HS2ST1: variants seen among roughly 807,000 people sequenced by gnomAD.
The protein encoded by HS2ST1 is heparan sulfate 2-O-sulfotransferase 1.
Under a neutral mutation model 42.9 loss-of-function variants are expected in HS2ST1, and 18 were observed. The observed-to-expected ratio is 0.42, with a 90% confidence interval of 0.29 to 0.62. The LOEUF is 0.62. HS2ST1 is among the 20% of genes least tolerant of loss of function. The probability of loss-of-function intolerance (pLI) is 0.21; values close to 1 mark genes in which losing one functional copy is unlikely to be tolerated. For synonymous variants in HS2ST1, 146 were observed against 152.9 expected, an observed-to-expected ratio of 0.95 and a Z score of 0.33; for missense variants, 334 against 433.8, an observed-to-expected ratio of 0.77 and a Z score of 2.04.
intron 1 of HS2ST1, among the ~76,000 whole-genome samples, chr1:86,938,685 G>C (rs1660702702): frequency 1.3e-5 from 2 of 152,124 alleles, no homozygotes; most frequent in South Asian, 4.1e-4. Flanking sequence ...TTTTTTCTGT[G>C]TGTCATTCAC....
rs145653283 is a variant in HS2ST1 at position 87,052,089 on chromosome 1, C to T, written c.125-20845C>T. 1.6e-3 allele frequency among the ~76,000 whole-genome samples: 246 copies of T among 152,062 alleles called. 2 individuals are homozygous for T. The East Asian group carries it at 0.04, about 25-fold the overall frequency. Reference sequence around the variant, plus strand: ...GCAACATGCTGAAACCCTGTATCTACAAAAAATACAAAAATTAGCCAGGCA... The same window carrying T: ...GCAACATGCTGAAACCCTGTATCTATAAAAAATACAAAAATTAGCCAGGCA... On this transcript the variant is annotated intron_variant, in intron 1 of 6. Transcript: ENST00000370550.
intron 1 of HS2ST1, among the ~76,000 whole-genome samples, chr1:86,948,550 C>A (rs61771700): frequency 0.067 from 10,211 of 152,192 alleles, 445 homozygotes; most frequent in Non-Finnish European, 0.1. Flanking sequence ...TACTTAATGA[C>A]CAGAATTGTG....
chr1:87,051,125 G>A (rs1174542013), intron 1 of HS2ST1, among the ~76,000 whole-genome samples: 2 of 151,934 alleles, frequency 1.3e-5, no homozygotes, highest in East Asian at 3.9e-4. Context: ...CTGTATACTG[G>A]GTAATAATGG....
chr1:86,919,257 T>C (rs1040272246), intron 1 of HS2ST1, among the ~76,000 whole-genome samples: 1 of 152,180 alleles, frequency 6.6e-6, no homozygotes, highest in African/African-American at 2.4e-5. Context: ...TTATTTGTTT[T>C]TGTCCAAGTT....
chr1:87,038,802 T>C (rs568838309), intron 1 of HS2ST1, among the ~76,000 whole-genome samples: 1 of 152,126 alleles, frequency 6.6e-6, no homozygotes, highest in South Asian at 2.1e-4. Context: ...AGGTTGGGAA[T>C]TGGGCAGATA....
intron 1 of HS2ST1, among the ~76,000 whole-genome samples, chr1:86,934,118 G>A (rs1308094142): frequency 6.6e-6 from 1 of 152,144 alleles, no homozygotes; most frequent in African/African-American, 2.4e-5. Context: ...ACTTAAGTGA[G>A]AAAGTAGGAA....
intron 1 of HS2ST1, among the ~76,000 whole-genome samples, chr1:86,984,116 T>C (rs1648686925): frequency 6.6e-6 from 1 of 152,202 alleles, no homozygotes; most frequent in Non-Finnish European, 1.5e-5. Context: ...CATGAGGCAT[T>C]AGCATGCAGT....
At chr1:87,023,578 T>C (rs1650006061) in intron 1 of HS2ST1, among the ~76,000 whole-genome samples, 1 of 152,162 alleles carries the variant, frequency 6.6e-6, no homozygotes, top group Non-Finnish European at 1.5e-5. Context: ...AGGCATATGC[T>C]AGTATCTTGA....
chr1:87,024,459 C>A (rs1306742877), intron 1 of HS2ST1, among the ~76,000 whole-genome samples: 1 of 151,264 alleles, frequency 6.6e-6, no homozygotes, highest in Non-Finnish European at 1.5e-5. Flanking sequence ...CGAGATTGTG[C>A]CATTGCACTT....
At position 87,104,749 on chromosome 1, in the gene HS2ST1, C is replaced by A. The variant is rs1227962754; in HGVS notation, c.*53C>A. 2.7e-6 allele frequency: 3 copies of A among 1,109,870 alleles called. No homozygotes were observed. The highest frequency in any genetic ancestry group is 1.8e-5 in the Admixed American group (1 of 56,382). 68.8% of individuals were successfully genotyped at this position (1,109,870 alleles called of 1,614,324 possible). On this transcript the variant is annotated 3_prime_UTR_variant, in exon 7 of 7. Transcript: ENST00000370550. ...AACTAAAATTTGACCCTGTCTTCAC[C>A]TTTGTTCTCAGCTCCACAGTCTGGA...
intron 1 of HS2ST1, among the ~76,000 whole-genome samples, chr1:86,997,712 C>T (rs1297011466): frequency 6.6e-6 from 1 of 152,114 alleles, no homozygotes; most frequent in Non-Finnish European, 1.5e-5. Flanking sequence ...GTACTGAACT[C>T]TATGTGCAGT....
chr1:86,985,526 A>G (rs1480963393), intron 1 of HS2ST1, among the ~76,000 whole-genome samples: 1 of 15,818 alleles, frequency 6.3e-5, no homozygotes, highest in African/African-American at 1.0e-4. Flanking sequence ...ATACACATAT[A>G]TATACATATA....
intron 1 of HS2ST1, among the ~76,000 whole-genome samples, chr1:87,021,425 C>T (rs551906883): frequency 6.6e-6 from 1 of 152,298 alleles, no homozygotes; most frequent in South Asian, 2.1e-4. Context: ...ACCAGCTACT[C>T]AGCTTGCTTG....
In HS2ST1 at chr1:86,967,332, G is replaced by T. The variant is rs908219982; in HGVS notation, c.124+52172G>T. Among the ~76,000 whole-genome samples, 27 of 152,134 alleles carry T rather than the reference G, an allele frequency of 1.8e-4. 1 individual carries two copies. The highest frequency in any genetic ancestry group is 6.3e-4 in the African/African-American group (26 of 41,432). On this transcript the variant is annotated intron_variant, in intron 1 of 6. Transcript: ENST00000370550. ...AATTTCAAGAGCTTTTGGGGTACAGGTGGTTTTTGGTTACATGGGTGGATT... is the reference window on the plus strand; with the variant it reads ...AATTTCAAGAGCTTTTGGGGTACAGTTGGTTTTTGGTTACATGGGTGGATT...
intron 4 of HS2ST1, among the ~76,000 whole-genome samples, chr1:87,095,465 G>A (rs1652038171): frequency 6.6e-6 from 1 of 152,158 alleles, no homozygotes; most frequent in African/African-American, 2.4e-5. Context: ...TTAGATATAT[G>A]TGCACCTGCA....
chr1:86,945,254 A>G (rs1203770387), intron 1 of HS2ST1, among the ~76,000 whole-genome samples: 2 of 152,192 alleles, frequency 1.3e-5, no homozygotes, highest in Non-Finnish European at 2.9e-5. Context: ...GAGATGTGAT[A>G]TGGTAGAAAT....
At chr1:87,081,062 C>A (rs2100641668) in intron 2 of HS2ST1, among the ~76,000 whole-genome samples, 1 of 152,238 alleles carries the variant, frequency 6.6e-6, no homozygotes, top group Non-Finnish European at 1.5e-5. Context: ...ATATATAAAG[C>A]AAATATTACT....
At chr1:87,004,957 A>C (rs1252865139) in intron 1 of HS2ST1, among the ~76,000 whole-genome samples, 1 of 152,228 alleles carries the variant, frequency 6.6e-6, no homozygotes, top group Non-Finnish European at 1.5e-5. Flanking sequence ...TAATAGTTTG[A>C]ATAATTAATT....
chr1:86,945,517 G>T (rs182447979), intron 1 of HS2ST1, among the ~76,000 whole-genome samples: 2 of 152,176 alleles, frequency 1.3e-5, no homozygotes, highest in African/African-American at 4.8e-5. Context: ...TAATAAATTA[G>T]ATTTGATTCC....
Sources: allele counts gnomAD v4.1 joint callset (sites outside exome capture counted in the v4.1 genomes callset), GRCh38; gene constraint gnomAD v4.1.1; transcripts MANE v1.5; gene names NCBI Gene and HGNC (gene_info 2026-07-23, HGNC 2026-07-21).